Variants in DLG2 observed in about 807,000 individuals in gnomAD.
The protein encoded by DLG2 is discs large MAGUK scaffold protein 2.
In DLG2, 45 loss-of-function variants were observed where a neutral mutation model predicts 132.5. The observed-to-expected ratio is 0.34, with a 90% confidence interval of 0.27 to 0.44. The LOEUF (loss-of-function observed/expected upper bound fraction) is 0.44, where lower values mean the gene tolerates loss of function less well. DLG2 is among the 20% of genes least tolerant of loss of function. The pLI is 1.00. For synonymous variants in DLG2, 424 were observed against 419.6 expected, an observed-to-expected ratio of 1.01 and a Z score of -0.13; for missense variants, 1,045 against 1,196.9, an observed-to-expected ratio of 0.87 and a Z score of 1.87.
intron 18 of DLG2, among the ~76,000 whole-genome samples, chr11:83,669,551 T>C (rs2076482528): frequency 6.6e-6 from 1 of 152,206 alleles, no homozygotes; most frequent in African/African-American, 2.4e-5. Flanking sequence ...CTTTCAAACT[T>C]AGGTCCACTT....
chr11:84,065,214 C>T (rs190137997), intron 10 of DLG2, among the ~76,000 whole-genome samples: 1 of 152,186 alleles, frequency 6.6e-6, no homozygotes, highest in African/African-American at 2.4e-5. Flanking sequence ...CAAAAATTGA[C>T]AAATGGGACC....
chr11:84,560,478 T>A (rs1264423478), intron 6 of DLG2, among the ~76,000 whole-genome samples: 3 of 152,128 alleles, frequency 2.0e-5, no homozygotes, highest in Non-Finnish European at 4.4e-5. Context: ...TTCAGAATAA[T>A]GCTTCATCAT....
At chr11:85,116,927 A>G (rs2073680580) in intron 5 of DLG2, among the ~76,000 whole-genome samples, 1 of 152,038 alleles carries the variant, frequency 6.6e-6, no homozygotes. Flanking sequence ...TACAATTAGC[A>G]AAAGAAACTT....
At chr11:85,296,296 T>G (rs537737184) in intron 3 of DLG2, among the ~76,000 whole-genome samples, 1 of 152,206 alleles carries the variant, frequency 6.6e-6, no homozygotes, top group South Asian at 2.1e-4. Flanking sequence ...AAGGAAAGAA[T>G]AGCATTCAGT....
At chr11:85,393,627 A>C (rs539212581) in intron 3 of DLG2, among the ~76,000 whole-genome samples, 1 of 101,714 alleles carries the variant, frequency 9.8e-6, no homozygotes, top group Non-Finnish European at 2.1e-5. Context: ...TATGGTATGC[A>C]TATGTGTGTG....
chr11:84,957,580 C>A (rs2051882859), intron 6 of DLG2, among the ~76,000 whole-genome samples: 1 of 152,164 alleles, frequency 6.6e-6, no homozygotes, highest in Non-Finnish European at 1.5e-5. Flanking sequence ...TTTCCTCACC[C>A]TCTCAGGCAA....
intron 6 of DLG2, among the ~76,000 whole-genome samples, chr11:84,569,049 T>C (rs945987720): frequency 4.6e-5 from 7 of 152,092 alleles, no homozygotes; most frequent in South Asian, 2.1e-4. Context: ...CCAGAAGTAA[T>C]AGCAGTACCC....
At chr11:84,904,817 C>A (rs1440101018) in intron 6 of DLG2, among the ~76,000 whole-genome samples, 1 of 152,220 alleles carries the variant, frequency 6.6e-6, no homozygotes, top group East Asian at 1.9e-4. Flanking sequence ...CAATTTCTTA[C>A]ATTTTCACGG....
chr11:84,181,991 G>A (rs973399599), intron 8 of DLG2, among the ~76,000 whole-genome samples: 2 of 149,524 alleles, frequency 1.3e-5, no homozygotes, highest in African/African-American at 4.9e-5. Flanking sequence ...AATCAGTAAG[G>A]ATATATTTGA....
intron 3 of DLG2, among the ~76,000 whole-genome samples, chr11:85,520,202 A>G (rs2074180588): frequency 6.6e-6 from 1 of 152,130 alleles, no homozygotes; most frequent in Non-Finnish European, 1.5e-5. Context: ...ATACACCGAT[A>G]ATGATCAAAC....
chr11:84,338,553 G>A (rs763780332), intron 7 of DLG2, among the ~76,000 whole-genome samples: 10 of 152,092 alleles, frequency 6.6e-5, no homozygotes, highest in East Asian at 1.9e-4. Flanking sequence ...GTCCGGGCAC[G>A]GTGGCTCAAG....
At chr11:84,540,307 A>G (rs550926268) in intron 6 of DLG2, among the ~76,000 whole-genome samples, 8 of 152,086 alleles carry the variant, frequency 5.3e-5, no homozygotes, top group African/African-American at 1.9e-4. Flanking sequence ...CAAAGGGCTA[A>G]TATCCAGAAT....
intron 7 of DLG2, among the ~76,000 whole-genome samples, chr11:84,332,120 T>C (rs1194334818): frequency 6.6e-6 from 1 of 152,094 alleles, no homozygotes; most frequent in Non-Finnish European, 1.5e-5. Flanking sequence ...CATCCGTTAG[T>C]AAAGAAAAGC....
At chr11:85,083,805 T>C (rs538862527) in intron 6 of DLG2, among the ~76,000 whole-genome samples, 4 of 152,132 alleles carry the variant, frequency 2.6e-5, no homozygotes, top group African/African-American at 7.2e-5. Context: ...AGAGAATAGA[T>C]TGTTTTAAGG....
intron 7 of DLG2, among the ~76,000 whole-genome samples, chr11:84,434,664 T>C (rs967161606): frequency 6.6e-6 from 1 of 152,106 alleles, no homozygotes; most frequent in Non-Finnish European, 1.5e-5. Flanking sequence ...GTTGTGAGCA[T>C]TATGATGGTC....
chr11:85,401,323 T>C (rs193229325), intron 3 of DLG2, among the ~76,000 whole-genome samples: 1 of 152,128 alleles, frequency 6.6e-6, no homozygotes, highest in South Asian at 2.1e-4. Context: ...AAACTAGGTG[T>C]TGATGGAACG....
chr11:84,146,582 C>T (rs925772066), intron 9 of DLG2, among the ~76,000 whole-genome samples: 2 of 151,840 alleles, frequency 1.3e-5, no homozygotes, highest in Non-Finnish European at 2.9e-5. Context: ...TGTTGCATTG[C>T]ATGAAGAATC....
At position 84,038,624 on chromosome 11, in the gene DLG2, T is replaced by A. The variant is rs554008425; in HGVS notation, c.919+20691A>T. On this transcript the variant is annotated intron_variant, in intron 11 of 27. Transcript: ENST00000376104. ...TAGCTTCCCTCTCTGGGGCAACTAC[T>A]GTTGTCAGTTACTTTTCAAGATATT... is the stretch of plus-strand genomic sequence containing the variant. Among the ~76,000 whole-genome samples the A allele has an allele frequency of 8.5e-5, 13 of 152,240 alleles. 1 individual carries two copies. The highest frequency in any genetic ancestry group is 3.1e-4 in the African/African-American group (13 of 41,554).
intron 9 of DLG2, among the ~76,000 whole-genome samples, chr11:84,110,958 C>T (rs1417002332): frequency 6.6e-6 from 1 of 152,116 alleles, no homozygotes; most frequent in Non-Finnish European, 1.5e-5. Context: ...TTTATATATC[C>T]CGAGGAACAC....
Sources: allele counts gnomAD v4.1 joint callset (sites outside exome capture counted in the v4.1 genomes callset), GRCh38; gene constraint gnomAD v4.1.1; transcripts MANE v1.5; gene names NCBI Gene and HGNC (gene_info 2026-07-23, HGNC 2026-07-21).